ZNF75D: variants seen among roughly 807,000 people sequenced by gnomAD.
ZNF75D encodes zinc finger protein 75.
In ZNF75D, 33 loss-of-function variants were observed where a neutral mutation model predicts 33.3. The ratio of observed to expected loss-of-function variants is 0.99; its 90% CI spans 0.75 to 1.32. The LOEUF is 1.32. ZNF75D is among the 40% of genes most tolerant of loss of function. ZNF75D has a pLI of 0.00. For missense variants in ZNF75D, 338 were observed against 367.5 expected, an observed-to-expected ratio of 0.92 and a Z score of 0.66; for synonymous variants, 113 against 130.6, an observed-to-expected ratio of 0.87 and a Z score of 0.92.
chrX:135,300,951 G>A (rs782001630), intron 1 of ZNF75D, among the ~76,000 whole-genome samples: 3 of 111,212 alleles, frequency 2.7e-5, no homozygotes, highest in South Asian at 7.6e-4. Flanking sequence ...TTCAACAGGC[G>A]TATTAGTCTG....
At chrX:135,294,678 T>G (rs180822767) in intron 2 of ZNF75D, among the ~76,000 whole-genome samples, 9 of 111,794 alleles carry the variant, frequency 8.1e-5, no homozygotes, top group African/African-American at 2.9e-4. Flanking sequence ...CCCAATCATT[T>G]TTCTTTAGTC....
chrX:135,289,627 GACACACACAC>G (rs60550937), intron 6 of ZNF75D, among the ~76,000 whole-genome samples: 2,874 of 88,752 alleles, frequency 0.032, 38 homozygotes, highest in South Asian at 0.065. Context: ...CACACACACA[GACACACACAC>G]ACACACACAC....
chrX:135,275,685 C>T (rs2083897183), intron 1 of ZNF75D, among the ~76,000 whole-genome samples: 1 of 110,093 alleles, frequency 9.1e-6, no homozygotes, highest in African/African-American at 3.3e-5. Flanking sequence ...TTATTAGTTT[C>T]TAGTGGAAGG....
At chrX:135,256,828 C>G (rs1323834638) in intron 1 of ZNF75D, among the ~76,000 whole-genome samples, 1 of 112,115 alleles carries the variant, frequency 8.9e-6, no homozygotes, top group African/African-American at 3.2e-5. Flanking sequence ...TATGTTGCAT[C>G]TTTGATACCA....
intron 1 of ZNF75D, among the ~76,000 whole-genome samples, chrX:135,272,984 A>G (rs1368192680): frequency 1.8e-5 from 2 of 111,449 alleles, no homozygotes; most frequent in East Asian, 5.6e-4. Flanking sequence ...CATTTTCAAT[A>G]CATCTCTGCT....
intron 1 of ZNF75D, among the ~76,000 whole-genome samples, chrX:135,319,904 T>C (rs1245612350): frequency 3.5e-5 from 4 of 112,813 alleles, no homozygotes; most frequent in African/African-American, 9.7e-5. Context: ...TTCTACCTAC[T>C]GTTTCTTAGT....
chrX:135,334,673 G>GA (rs1314436109), intron 1 of ZNF75D, among the ~76,000 whole-genome samples: 1 of 111,083 alleles, frequency 9.0e-6, no homozygotes, highest in African/African-American at 3.3e-5. Flanking sequence ...CAGCTTGAAG[G>GA]AAAAAAGATG....
intron 1 of ZNF75D, among the ~76,000 whole-genome samples, chrX:135,256,942 G>T (rs886726020): frequency 4.5e-5 from 5 of 111,488 alleles, no homozygotes; most frequent in African/African-American, 1.6e-4. Flanking sequence ...CCAGAAGGGA[G>T]CCCATTGCCT....
intron 1 of ZNF75D, among the ~76,000 whole-genome samples, chrX:135,266,435 A>T (rs1346596535): frequency 8.9e-6 from 1 of 111,837 alleles, no homozygotes; most frequent in Non-Finnish European, 1.9e-5. Flanking sequence ...ATGTAAAAAG[A>T]TATTCCACGC....
intron 1 of ZNF75D, among the ~76,000 whole-genome samples, chrX:135,300,112 A>G (rs1556424222): frequency 8.9e-6 from 1 of 112,157 alleles, no homozygotes; most frequent in Non-Finnish European, 1.9e-5. Context: ...TTGAATTTCC[A>G]TATGAATTTT....
intron 1 of ZNF75D, among the ~76,000 whole-genome samples, chrX:135,301,345 TG>T (rs2084215924): frequency 9.0e-6 from 1 of 111,294 alleles, no homozygotes; most frequent in African/African-American, 3.3e-5. Flanking sequence ...ATTCCACTCC[TG>T]GCCCCTCCGA....
chrX:135,326,919 C>T (rs1277041601), intron 1 of ZNF75D, among the ~76,000 whole-genome samples: 6 of 112,669 alleles, frequency 5.3e-5, no homozygotes, highest in African/African-American at 1.6e-4. Flanking sequence ...ACACTCACCG[C>T]GAGAGTCCGC....
chrX:135,281,510 G>T (rs782407989), downstream of ZNF75D, among the ~76,000 whole-genome samples: 2 of 110,781 alleles, frequency 1.8e-5, no homozygotes, highest in African/African-American at 6.6e-5. Flanking sequence ...CTCATTCTCC[G>T]TCCAGTTTTG....
At chrX:135,271,918 T>A (rs375451113) in intron 1 of ZNF75D, among the ~76,000 whole-genome samples, 1 of 111,240 alleles carries the variant, frequency 9.0e-6, no homozygotes, top group Non-Finnish European at 1.9e-5. Flanking sequence ...TGGAAAGACA[T>A]GATTGTTTTT....
At chrX:135,256,769 T>C (rs1466586160) in intron 1 of ZNF75D, among the ~76,000 whole-genome samples, 1 of 111,540 alleles carries the variant, frequency 9.0e-6, no homozygotes, top group East Asian at 2.8e-4. Flanking sequence ...TGAATAAAGG[T>C]AGTCCTTTAT....
intron 1 of ZNF75D, among the ~76,000 whole-genome samples, chrX:135,260,222 A>T (rs1026175963): frequency 1.1e-4 from 12 of 111,859 alleles, no homozygotes; most frequent in Non-Finnish European, 2.3e-4. Context: ...ATTTTCGCAT[A>T]GATGTTCATC....
At chrX:135,306,174 T>C (rs1161669629) in intron 1 of ZNF75D, among the ~76,000 whole-genome samples, 1 of 109,943 alleles carries the variant, frequency 9.1e-6, no homozygotes, top group Non-Finnish European at 1.9e-5. Flanking sequence ...TTTGCCTTCC[T>C]CCTGGTGCTC....
intron 1 of ZNF75D, 82 bp from the exon 2 acceptor site, chrX:135,296,121 A>G (rs1556422906): frequency 9.1e-6 from 1 of 109,818 alleles, no homozygotes; most frequent in African/African-American, 3.3e-5. Flanking sequence ...CCCTCCCTCT[A>G]CCTGCGAAGT....
intron 1 of ZNF75D, among the ~76,000 whole-genome samples, chrX:135,338,183 C>CA (rs1233824388): frequency 9.0e-6 from 1 of 111,195 alleles, no homozygotes; most frequent in Non-Finnish European, 1.9e-5. Context: ...GTTCCTCTCT[C>CA]AGAGAACATT....
Sources: gnomAD v4.1 joint callset for allele counts (sites outside exome capture counted in the v4.1 genomes callset) on GRCh38, gnomAD v4.1.1 for gene constraint, MANE v1.5 for transcripts, NCBI Gene and HGNC (gene_info 2026-07-23, HGNC 2026-07-21) for gene names.